The following RAB27A variants were observed in gnomAD, a reference collection of about 807,000 sequenced individuals.
RAB27A encodes ras-related protein Rab-27A.
A neutral mutation model predicts 20.8 loss-of-function variants in RAB27A; 17 were observed. The observed-to-expected ratio is 0.82, with a 90% CI of 0.56 to 1.23. The LOEUF (loss-of-function observed/expected upper bound fraction) is 1.23. RAB27A is among the 50% of genes most tolerant of loss of function. The probability of loss-of-function intolerance (pLI) is 0.00; values close to 1 mark genes in which losing one functional copy is unlikely to be tolerated. For synonymous variants in RAB27A, 85 were observed against 92.8 expected, an observed-to-expected ratio of 0.92 and a Z score of 0.48; for missense variants, 277 against 266.7, an observed-to-expected ratio of 1.04 and a Z score of -0.27.
chr15:55,271,401 A>T (rs1412314498), intron 1 of RAB27A, among the ~76,000 whole-genome samples: 1 of 152,240 alleles, frequency 6.6e-6, no homozygotes, highest in Non-Finnish European at 1.5e-5. Context: ...GCTGAATCAG[A>T]AATTCTGAGG....
At chr15:55,261,898 A>G (rs1440537853) in intron 2 of RAB27A, among the ~76,000 whole-genome samples, 1 of 151,208 alleles carries the variant, frequency 6.6e-6, no homozygotes, top group Non-Finnish European at 1.5e-5. Flanking sequence ...TTAGCTGGGC[A>G]TGGTGGCATG....
At chr15:55,275,556 G>A (rs140237755) in intron 1 of RAB27A, among the ~76,000 whole-genome samples, 20 of 152,212 alleles carry the variant, frequency 1.3e-4, no homozygotes, top group African/African-American at 4.3e-4. Flanking sequence ...GAGCCTGGAG[G>A]CAGAGGTTGC....
chr15:55,242,130 G>A (rs918686218), intron 2 of RAB27A, among the ~76,000 whole-genome samples: 3 of 151,980 alleles, frequency 2.0e-5, no homozygotes, highest in African/African-American at 7.3e-5. Context: ...ACTCTAGATA[G>A]GTCAGCCATT....
intron 2 of RAB27A, among the ~76,000 whole-genome samples, chr15:55,255,830 G>T (rs1446781337): frequency 2.0e-5 from 3 of 152,098 alleles, no homozygotes; most frequent in African/African-American, 7.2e-5. Flanking sequence ...AATATTATCA[G>T]GGAGAAAAAC....
chr15:55,313,927 C>A (rs766044490), intron 2 of RAB27A: 2 of 153,668 alleles, frequency 1.3e-5, no homozygotes, highest in Non-Finnish European at 2.9e-5. Flanking sequence ...GAGCTGACAT[C>A]GTGCCACTGC....
rs976743206 is a variant in RAB27A at position 55,234,997 on chromosome 15, G to T, written c.-22-41C>A. ...AAAATTTTTTAATTAAAATCCATTA[G>T]AAAACATTAATTATCCATTTAAAAA... is the stretch of plus-strand genomic sequence containing the variant. On this transcript the variant is annotated intron_variant, in intron 2 of 6. Transcript: ENST00000336787. 1.9e-5 allele frequency: 27 copies of T among 1,438,182 alleles called. No individual in the cohort carries two copies. In the Middle Eastern group the frequency reaches 5.7e-4, roughly 30 times the overall value. The allele number at this position is 1,438,182 out of a possible 1,614,324, so 89.1% of individuals were successfully genotyped here. A position where few individuals can be genotyped will look rare whatever the true frequency, so the allele number is the denominator to read the frequency against.
At chr15:55,239,500 G>A (rs1317685936) in intron 2 of RAB27A, among the ~76,000 whole-genome samples, 2 of 152,086 alleles carry the variant, frequency 1.3e-5, no homozygotes, top group African/African-American at 2.4e-5. Context: ...CACTCGAACA[G>A]CATGTATGTG....
At chr15:55,206,723 T>G (rs1339762540) in intron 6 of RAB27A, among the ~76,000 whole-genome samples, 1 of 152,132 alleles carries the variant, frequency 6.6e-6, no homozygotes, top group East Asian at 1.9e-4. Flanking sequence ...TTGAAAACTT[T>G]TAGAAGAACA....
chr15:55,299,715 G>GA (rs2054963586), intron 2 of RAB27A, among the ~76,000 whole-genome samples: 1 of 151,680 alleles, frequency 6.6e-6, no homozygotes. Context: ...TCTGGGACCA[G>GA]AAAAAAACAA....
At chr15:55,272,416 C>CAA (rs568300193) in intron 1 of RAB27A, among the ~76,000 whole-genome samples, 2 of 151,688 alleles carry the variant, frequency 1.3e-5, no homozygotes, top group Non-Finnish European at 2.9e-5. Flanking sequence ...CAAAAACAAA[C>CAA]AAAAAAAATC....
At chr15:55,224,045 A>G (rs760635853) in intron 5 of RAB27A, 33 bp from the exon 6 acceptor site, 1 of 1,468,336 alleles carries the variant, frequency 6.8e-7, no homozygotes, top group South Asian at 1.2e-5. Flanking sequence ...TATATATGTA[A>G]ATAATAATGT....
chr15:55,250,094 C>G (rs1461661434), intron 2 of RAB27A, among the ~76,000 whole-genome samples: 2 of 152,096 alleles, frequency 1.3e-5, no homozygotes, highest in African/African-American at 4.8e-5. Flanking sequence ...TCCCTAGTGG[C>G]TGCGACTAAA....
intron 2 of RAB27A, among the ~76,000 whole-genome samples, chr15:55,254,284 C>T (rs938218417): frequency 2.0e-5 from 3 of 151,136 alleles, no homozygotes; most frequent in Non-Finnish European, 2.9e-5. Context: ...TACATACTTG[C>T]TTATCACATA....
intron 6 of RAB27A, among the ~76,000 whole-genome samples, chr15:55,209,009 AT>A (rs1287972100): frequency 6.6e-6 from 1 of 152,164 alleles, no homozygotes; most frequent in African/African-American, 2.4e-5. Context: ...CTGTAAGAAA[AT>A]TTTATTTTTT....
chr15:55,222,713 G>C (rs1358941037), intron 6 of RAB27A, among the ~76,000 whole-genome samples: 3 of 152,010 alleles, frequency 2.0e-5, no homozygotes, highest in Admixed American at 2.0e-4. Context: ...AAAGGGAAAG[G>C]TTTTCTCTTG....
chr15:55,264,364 T>C (rs1897385425), intron 2 of RAB27A, among the ~76,000 whole-genome samples: 1 of 152,216 alleles, frequency 6.6e-6, no homozygotes, highest in Non-Finnish European at 1.5e-5. Flanking sequence ...AAAATCTTTA[T>C]TTTGTGATTT....
intron 1 of RAB27A, among the ~76,000 whole-genome samples, chr15:55,277,656 C>G (rs1431191171): frequency 6.6e-6 from 1 of 152,140 alleles, no homozygotes; most frequent in Non-Finnish European, 1.5e-5. Flanking sequence ...AATAACCAAG[C>G]TTATTAGAAC....
At chr15:55,210,571 T>C (rs919162133) in intron 6 of RAB27A, among the ~76,000 whole-genome samples, 4 of 152,168 alleles carry the variant, frequency 2.6e-5, no homozygotes, top group Non-Finnish European at 4.4e-5. Context: ...TGCAGATCTT[T>C]TGAGAAATGT....
At chr15:55,301,626 T>C (rs1179636167) in intron 2 of RAB27A, among the ~76,000 whole-genome samples, 2 of 150,680 alleles carry the variant, frequency 1.3e-5, no homozygotes, top group African/African-American at 4.9e-5. Context: ...TTCCAGAACA[T>C]TTTCATCACC....
Sources: gnomAD v4.1 joint callset for allele counts (sites outside exome capture counted in the v4.1 genomes callset) on GRCh38, gnomAD v4.1.1 for gene constraint, MANE v1.5 for transcripts, NCBI Gene and HGNC (gene_info 2026-07-23, HGNC 2026-07-21) for gene names.